Variants in KPNA7 observed in about 807,000 individuals in gnomAD.
The protein encoded by KPNA7 is karyopherin subunit alpha 7, also known as importin subunit alpha-8.
Under a neutral mutation model 53.7 loss-of-function variants are expected in KPNA7, and 54 were observed. That is an observed-to-expected ratio of 1.01 (90% CI 0.81 to 1.26). The LOEUF is 1.26. Ranked by LOEUF, KPNA7 falls within the 50% of genes most tolerant of loss-of-function variation. The pLI is 0.00. For synonymous variants in KPNA7, 276 were observed against 259.3 expected, an observed-to-expected ratio of 1.06 and a Z score of -0.62; for missense variants, 640 against 644.5, an observed-to-expected ratio of 0.99 and a Z score of 0.07.
the KPNA7 span, among the ~76,000 whole-genome samples, chr7:99,153,393 A>G: frequency 6.6e-6 from 1 of 152,070 alleles, no homozygotes; most frequent in East Asian, 1.9e-4. Flanking sequence ...CCCCATCTCT[A>G]CAAAGATACA....
At chr7:99,158,483 G>A in the KPNA7 span, among the ~76,000 whole-genome samples, 2 of 151,754 alleles carry the variant, frequency 1.3e-5, no homozygotes, top group African/African-American at 4.8e-5. Flanking sequence ...TTCCAATTCT[G>A]TTTTCATTTG....
intron 1 of KPNA7, among the ~76,000 whole-genome samples, chr7:99,217,535 G>C (rs1025406197): frequency 2.6e-5 from 4 of 151,810 alleles, no homozygotes; most frequent in Non-Finnish European, 5.9e-5. Context: ...GGGGTTGGGG[G>C]TGGAGAGGGA....
intron 7 of KPNA7, among the ~76,000 whole-genome samples, chr7:99,187,241 G>A (rs1460448335): frequency 6.6e-6 from 1 of 152,136 alleles, no homozygotes; most frequent in African/African-American, 2.4e-5. Flanking sequence ...AGTGAGCCAA[G>A]ATTGTACCAC....
At chr7:99,193,315 A>ATGGCT (rs1228595391) in intron 5 of KPNA7, among the ~76,000 whole-genome samples, 20 of 152,232 alleles carry the variant, frequency 1.3e-4, no homozygotes, top group Non-Finnish European at 2.5e-4. Context: ...CACAGCAGCA[A>ATGGCT]CTGCTAGAAG....
At chr7:99,190,662 TTTTTTTGG>T (rs1789899940) in intron 6 of KPNA7, among the ~76,000 whole-genome samples, 2 of 151,710 alleles carry the variant, frequency 1.3e-5, no homozygotes, top group Admixed American at 1.3e-4. Flanking sequence ...ACTTTTTTTT[TTTTTTTGG>T]GGGGAGACAG....
chr7:99,204,042 C>CCAT (rs71108431), intron 2 of KPNA7, among the ~76,000 whole-genome samples: 12,033 of 151,952 alleles, frequency 0.079, 509 homozygotes, highest in South Asian at 0.15. Flanking sequence ...TGTCTATAAG[C>CCAT]CATTAAAGCC....
At position 99,181,015 on chromosome 7, in the gene KPNA7, G is replaced by C. The variant is rs1225699729; in HGVS notation, c.1317+868C>G. Among the ~76,000 whole-genome samples the C allele has an allele frequency of 6.2e-4, 16 of 25,832 alleles. 7 individuals are homozygous for C. Among genetic ancestry groups the C allele is most frequent in the South Asian group, 3.1e-3 (2 of 642 alleles). The allele number at this position is 25,832 out of a possible 152,430, so 16.9% of individuals were successfully genotyped here. A position where few individuals can be genotyped will look rare whatever the true frequency, so the allele number is the denominator to read the frequency against. ...TCTCCCCGTCTGTCTCTCTCTCTCT[G>C]TGTGTGTGTCTCTCTGTGTGTGTCT... On this transcript the variant is annotated intron_variant, in intron 9 of 10. Coordinates refer to ENST00000327442, the MANE Select transcript of KPNA7 (RefSeq NM_001145715.3).
chr7:99,188,657 C>G (rs2150735714), intron 6 of KPNA7, 94 bp from the exon 7 acceptor site: 1 of 1,228,540 alleles, frequency 8.1e-7, no homozygotes. Flanking sequence ...TACCATAGAT[C>G]AGCATGAACC....
At chr7:99,214,111 A>C (rs1043551447) in intron 1 of KPNA7, among the ~76,000 whole-genome samples, 1 of 152,030 alleles carries the variant, frequency 6.6e-6, no homozygotes, top group Non-Finnish European at 1.5e-5. Context: ...AATAATCTGT[A>C]ACAAGGTCTA....
intron 10 of KPNA7, among the ~76,000 whole-genome samples, chr7:99,174,969 C>A (rs1176680062): frequency 1.3e-5 from 2 of 151,990 alleles, no homozygotes; most frequent in African/African-American, 4.8e-5. Flanking sequence ...CGTCACCACA[C>A]CCAGCTAATT....
At chr7:99,194,523 T>G (rs1318310349) in intron 5 of KPNA7, among the ~76,000 whole-genome samples, 1 of 152,204 alleles carries the variant, frequency 6.6e-6, no homozygotes, top group African/African-American at 2.4e-5. Flanking sequence ...TGTTGGCAGA[T>G]GTCTCTAGTT....
intron 8 of KPNA7, among the ~76,000 whole-genome samples, chr7:99,183,528 G>A (rs10281925): frequency 0.1 from 15,190 of 152,150 alleles, 906 homozygotes; most frequent in African/African-American, 0.16. Flanking sequence ...TTACAGAGGC[G>A]TGCAGGACCA....
At chr7:99,162,190 A>G in the KPNA7 span, among the ~76,000 whole-genome samples, 1 of 151,962 alleles carries the variant, frequency 6.6e-6, no homozygotes, top group Non-Finnish European at 1.5e-5. Flanking sequence ...GATTACAGGC[A>G]TGTGCCACCA....
intron 2 of KPNA7, 41 bp downstream of exon 2, chr7:99,207,360 C>T: frequency 2.0e-6 from 3 of 1,527,606 alleles, no homozygotes; most frequent in Admixed American, 2.0e-5. Flanking sequence ...ATGCAGATTG[C>T]ACTGGTCCCC....
chr7:99,169,390 TGGGCAGATCACTTGA>T (rs1798730848), downstream of KPNA7, among the ~76,000 whole-genome samples: 2 of 151,072 alleles, frequency 1.3e-5, no homozygotes, highest in Admixed American at 1.3e-4. Context: ...GAGGCCGAGG[TGGGCAGATCACTTGA>T]GGTCAGGAGT....
At chr7:99,151,777 A>G in the KPNA7 span, among the ~76,000 whole-genome samples, 2 of 152,062 alleles carry the variant, frequency 1.3e-5, no homozygotes, top group African/African-American at 2.4e-5. Context: ...AGAACCTCCT[A>G]TGTATCAGGC....
At chr7:99,178,626 T>A (rs1302742935) in intron 9 of KPNA7, among the ~76,000 whole-genome samples, 1 of 151,812 alleles carries the variant, frequency 6.6e-6, no homozygotes, top group Admixed American at 6.6e-5. Context: ...ACAATTTTGT[T>A]AACATTTTGT....
chr7:99,212,153 G>A (rs1187441633), upstream of KPNA7, among the ~76,000 whole-genome samples: 1 of 151,172 alleles, frequency 6.6e-6, no homozygotes, highest in African/African-American at 2.4e-5. Flanking sequence ...TACCTGGGAA[G>A]GGAAGAGAAC....
downstream of KPNA7, among the ~76,000 whole-genome samples, chr7:99,172,636 AAG>A (rs1369218190): frequency 1.3e-5 from 2 of 152,198 alleles, no homozygotes; most frequent in African/African-American, 2.4e-5. Context: ...TAGGAAGAAT[AAG>A]AGAGATTGAG....
Sources: gnomAD v4.1 joint callset for allele counts (sites outside exome capture counted in the v4.1 genomes callset) on GRCh38, gnomAD v4.1.1 for gene constraint, MANE v1.5 for transcripts, NCBI Gene and HGNC (gene_info 2026-07-23, HGNC 2026-07-21) for gene names.